The following RTL9 variants were observed in gnomAD, a reference collection of about 807,000 sequenced individuals.
RTL9 encodes the protein retrotransposon Gag like 9.
A neutral mutation model predicts 44.7 loss-of-function variants in RTL9; 19 were observed. The observed-to-expected ratio is 0.42, with a 90% confidence interval of 0.30 to 0.62. The LOEUF is 0.62. Ranked by LOEUF, RTL9 falls within the 20% of genes least tolerant of loss-of-function variation. The probability of loss-of-function intolerance (pLI) is 0.16; values close to 1 mark genes in which losing one functional copy is unlikely to be tolerated. For synonymous variants in RTL9, 407 were observed against 398.9 expected, an observed-to-expected ratio of 1.02 and a Z score of -0.24; for missense variants, 1,105 against 1,080.6, an observed-to-expected ratio of 1.02 and a Z score of -0.32.
At chrX:110,429,026 G>C (rs1422778925) in intron 1 of RTL9, among the ~76,000 whole-genome samples, 1 of 111,637 alleles carries the variant, frequency 9.0e-6, no homozygotes, top group African/African-American at 3.3e-5. Flanking sequence ...TTGTCAGGCT[G>C]TTCCATCTCT....
intron 1 of RTL9, among the ~76,000 whole-genome samples, chrX:110,373,544 A>G (rs2068354398): frequency 8.9e-6 from 1 of 112,293 alleles, no homozygotes; most frequent in Non-Finnish European, 1.9e-5. Context: ...CATGCAAAAA[A>G]ATGATAAAGC....
Position 110,362,677 on chromosome X carries a change from G to A in RTL9, c.-168+3761G>A, listed in dbSNP as rs138046099. Among the ~76,000 whole-genome samples the A allele has an allele frequency of 6.2e-3, 691 of 111,904 alleles. 1 individual carries two copies. The highest frequency in any genetic ancestry group is 0.011 in the Non-Finnish European group (575 of 53,102). On this transcript the variant is annotated intron_variant, in intron 1 of 2. Coordinates refer to the RTL9 transcript ENST00000520821. ...CATGGTAGGAAATATGATAAATGAAGTATTTACCAGTTCTTACTGACTGTT... is the reference window on the plus strand; with the variant it reads ...CATGGTAGGAAATATGATAAATGAAATATTTACCAGTTCTTACTGACTGTT...
intron 1 of RTL9, among the ~76,000 whole-genome samples, chrX:110,441,820 T>C (rs1310889347): frequency 8.9e-6 from 1 of 112,085 alleles, no homozygotes; most frequent in Non-Finnish European, 1.9e-5. Flanking sequence ...TTAATACTTA[T>C]TTCGTGCATG....
chrX:110,435,493 A>G (rs1310982799), intron 1 of RTL9, among the ~76,000 whole-genome samples: 1 of 112,020 alleles, frequency 8.9e-6, no homozygotes, highest in East Asian at 2.8e-4. Flanking sequence ...CTTTAATTAG[A>G]CCTAGCAGGT....
chrX:110,449,469 G>C (rs924787838), upstream of RTL9, among the ~76,000 whole-genome samples: 17 of 112,544 alleles, frequency 1.5e-4, no homozygotes, highest in Admixed American at 1.6e-3. Context: ...GCATGGGCAG[G>C]CTGTGGGGAC....
At chrX:110,431,908 T>G (rs751025929) in intron 1 of RTL9, among the ~76,000 whole-genome samples, 4 of 111,168 alleles carry the variant, frequency 3.6e-5, no homozygotes, top group Non-Finnish European at 5.7e-5. Context: ...TAGGTGAGAG[T>G]TGACACTGTC....
intron 1 of RTL9, among the ~76,000 whole-genome samples, chrX:110,364,463 G>A (rs374732845): frequency 1.8e-5 from 2 of 111,590 alleles, no homozygotes; most frequent in East Asian, 5.6e-4. Flanking sequence ...ACTAACTAAA[G>A]CAGGCTGCTC....
intron 1 of RTL9, among the ~76,000 whole-genome samples, chrX:110,391,070 T>C (rs2068490833): frequency 8.9e-6 from 1 of 111,964 alleles, no homozygotes; most frequent in Admixed American, 9.5e-5. Flanking sequence ...CTTCCTTCCA[T>C]GACTTTGGGT....
At chrX:110,448,395 C>T (rs780374904), upstream of RTL9, among the ~76,000 whole-genome samples, 5 of 110,319 alleles carry the variant, frequency 4.5e-5, no homozygotes, top group East Asian at 8.6e-4. Flanking sequence ...GCAGAGGGCA[C>T]GTATCTTGTT....
intron 1 of RTL9, among the ~76,000 whole-genome samples, chrX:110,436,314 ATTCACCAAGATAGAATGCACTGT>A (rs1257760346): frequency 9.0e-6 from 1 of 111,298 alleles, no homozygotes; most frequent in Non-Finnish European, 1.9e-5. Context: ...CCTTACCCCC[ATTCACCAAGATAGAATGCACTGT>A]TTCTTAAGGT....
At chrX:110,412,313 C>G (rs1411251986) in intron 1 of RTL9, among the ~76,000 whole-genome samples, 1 of 112,289 alleles carries the variant, frequency 8.9e-6, no homozygotes, top group East Asian at 2.8e-4. Flanking sequence ...TAAGGATGTT[C>G]ATTTAAACAT....
At chrX:110,371,612 A>G (rs2068339412) in intron 1 of RTL9, among the ~76,000 whole-genome samples, 1 of 111,243 alleles carries the variant, frequency 9.0e-6, no homozygotes, top group South Asian at 3.9e-4. Flanking sequence ...GATATGGCCA[A>G]TGTAAGGCAC....
chrX:110,395,075 G>A (rs182681036), intron 1 of RTL9, among the ~76,000 whole-genome samples: 1 of 112,865 alleles, frequency 8.9e-6, no homozygotes, highest in African/African-American at 3.2e-5. Flanking sequence ...CAAAGCATTT[G>A]TCATGGAAGG....
chrX:110,449,630 C>T (rs1026428057), upstream of RTL9, among the ~76,000 whole-genome samples: 3 of 112,527 alleles, frequency 2.7e-5, no homozygotes, highest in African/African-American at 9.7e-5. Context: ...ACATGCCAGA[C>T]ACTGGGCTTT....
chrX:110,387,222 C>A (rs1013382707), intron 1 of RTL9, among the ~76,000 whole-genome samples: 12 of 112,161 alleles, frequency 1.1e-4, no homozygotes, highest in African/African-American at 3.6e-4. Flanking sequence ...GCAGGAATCC[C>A]CACAGTCCCA....
At chrX:110,415,399 G>A (rs1480478011), upstream of RTL9, among the ~76,000 whole-genome samples, 2 of 112,265 alleles carry the variant, frequency 1.8e-5, no homozygotes, top group East Asian at 5.6e-4. Context: ...TAAGAGTTGT[G>A]TTAGAGTGGT....
chrX:110,394,582 G>A (rs756608433), intron 1 of RTL9, among the ~76,000 whole-genome samples: 1 of 112,629 alleles, frequency 8.9e-6, no homozygotes, highest in South Asian at 3.6e-4. Context: ...TTTGTTATTC[G>A]TTGTTTCACT....
upstream of RTL9, among the ~76,000 whole-genome samples, chrX:110,417,306 G>A (rs1390095790): frequency 8.9e-6 from 1 of 112,163 alleles, no homozygotes. Context: ...GACAGGGGAG[G>A]AGGCACATCT....
intron 1 of RTL9, among the ~76,000 whole-genome samples, chrX:110,407,570 G>A (rs2068611560): frequency 8.9e-6 from 1 of 112,343 alleles, no homozygotes; most frequent in African/African-American, 3.2e-5. Context: ...TGAGCAAACT[G>A]CAGCTCAGAG....
Sources: gnomAD v4.1 joint callset for allele counts (sites outside exome capture counted in the v4.1 genomes callset) on GRCh38, gnomAD v4.1.1 for gene constraint, MANE v1.5 for transcripts, NCBI Gene and HGNC (gene_info 2026-07-23, HGNC 2026-07-21) for gene names.